Variants in SOX5 observed in about 807,000 individuals in gnomAD.
SOX5 encodes transcription factor SOX-5.
Under a neutral mutation model 92.0 loss-of-function variants are expected in SOX5, and 9 were observed. The ratio of observed to expected loss-of-function variants is 0.10; its 90% CI spans 0.06 to 0.17. SOX5 has a LOEUF of 0.17. Among genes scored for constraint, SOX5 ranks in the 10% least tolerant of loss-of-function variants. The pLI, the probability that SOX5 is intolerant of heterozygous loss-of-function variation, is 1.00. For synonymous variants in SOX5, 344 were observed against 336.3 expected, an observed-to-expected ratio of 1.02 and a Z score of -0.25; for missense variants, 642 against 944.5, an observed-to-expected ratio of 0.68 and a Z score of 4.20.
At chr12:23,616,716 A>T (rs1454824819) in intron 8 of SOX5, among the ~76,000 whole-genome samples, 1 of 152,202 alleles carries the variant, frequency 6.6e-6, no homozygotes, top group Non-Finnish European at 1.5e-5. Context: ...CATAATTGAA[A>T]AAACAAAGTT....
intron 2 of SOX5, among the ~76,000 whole-genome samples, chr12:23,867,038 C>A (rs969123289): frequency 2.8e-5 from 4 of 144,432 alleles, no homozygotes; most frequent in Admixed American, 1.4e-4. Flanking sequence ...CTCAACTCCA[C>A]GCCTCTCCTC....
chr12:24,304,903 C>G (rs61909928), intron 2 of SOX5, among the ~76,000 whole-genome samples: 18,663 of 152,146 alleles, frequency 0.12, 1,492 homozygotes, highest in South Asian at 0.18. Flanking sequence ...CCTTCCATTT[C>G]CAATACCGCT....
intron 2 of SOX5, among the ~76,000 whole-genome samples, chr12:24,319,248 T>C (rs1949986486): frequency 6.6e-6 from 1 of 152,234 alleles, no homozygotes; most frequent in Admixed American, 6.5e-5. Flanking sequence ...CTAAGCATGC[T>C]CATTCACGCA....
intron 1 of SOX5, among the ~76,000 whole-genome samples, chr12:24,538,413 G>A (rs748862947): frequency 5.3e-5 from 8 of 152,038 alleles, no homozygotes; most frequent in Non-Finnish European, 8.8e-5. Flanking sequence ...GTGCCTTCAC[G>A]GTGACTCAAC....
rs565186330 is a variant in SOX5 at position 24,323,082 on chromosome 12, T to C, written c.-174+45481A>G. 5.9e-5 allele frequency among the ~76,000 whole-genome samples: 9 copies of C among 152,098 alleles called. 1 individual carries two copies. The East Asian group carries it at 1.7e-3, about 29-fold the overall frequency. On this transcript the variant is annotated intron_variant, in intron 2 of 4. Transcript: ENST00000446891. ...AGCAGCATCAGTATTATCTGGAAAA[T>C]TGTTAGAAATGCATAATCACAGAAC...
In SOX5 at chr12:23,930,002, T is replaced by C. The variant is rs189932090; in HGVS notation, c.38+19562A>G. Reference sequence around the variant, plus strand: ...CCTACAATTTCTCTACTCATCCTCATTCTGACCACACAACATCTTTTTCCA... The same window carrying C: ...CCTACAATTTCTCTACTCATCCTCACTCTGACCACACAACATCTTTTTCCA... On this transcript the variant is annotated intron_variant, in intron 1 of 14. Coordinates refer to ENST00000451604, the MANE Select transcript of SOX5 (RefSeq NM_006940.6). Among the ~76,000 whole-genome samples, 249 of 151,988 alleles carry C rather than the reference T, an allele frequency of 1.6e-3. 1 individual carries two copies. The highest frequency in any genetic ancestry group is 3.7e-3 in the Admixed American group (57 of 15,226).
At chr12:23,735,096 T>C (rs2093540322) in intron 5 of SOX5, among the ~76,000 whole-genome samples, 1 of 152,114 alleles carries the variant, frequency 6.6e-6, no homozygotes, top group South Asian at 2.1e-4. Flanking sequence ...TATAACAGAG[T>C]GTTTCACAAA....
intron 6 of SOX5, among the ~76,000 whole-genome samples, chr12:23,670,283 CA>C (rs1198480307): frequency 2.6e-5 from 4 of 152,014 alleles, no homozygotes; most frequent in African/African-American, 4.8e-5. Flanking sequence ...AATCATATTG[CA>C]AAAGGGTGAG....
At position 23,994,346 on chromosome 12, in the gene SOX5, G is replaced by A. The variant is rs546814982; in HGVS notation, c.-1-98322C>T. On this transcript the variant is annotated intron_variant, in intron 4 of 4. Transcript: ENST00000446891. ...CTTACTTAAAAAAATTTTAAGTAAC[G>A]TTCAAATTTTAAAGAAGAGTAATAA... 2.6e-4 allele frequency among the ~76,000 whole-genome samples: 39 copies of A among 152,092 alleles called. 1 individual carries two copies. The highest frequency in any genetic ancestry group is 3.4e-3 in the Middle Eastern group (1 of 294).
intron 4 of SOX5, among the ~76,000 whole-genome samples, chr12:23,978,919 T>C (rs1949210333): frequency 6.6e-6 from 1 of 152,168 alleles, no homozygotes; most frequent in Non-Finnish European, 1.5e-5. Context: ...CCCTCCTCCT[T>C]TATGTCTTTA....
chr12:24,218,422 T>C (rs1959566559), intron 3 of SOX5, among the ~76,000 whole-genome samples: 1 of 152,140 alleles, frequency 6.6e-6, no homozygotes, highest in East Asian at 1.9e-4. Context: ...ATGTCCAAAA[T>C]AGGCTAATCT....
intron 4 of SOX5, among the ~76,000 whole-genome samples, chr12:24,102,883 T>C (rs924644098): frequency 1.3e-5 from 2 of 152,152 alleles, no homozygotes; most frequent in East Asian, 1.9e-4. Flanking sequence ...TATTAACCTA[T>C]GACAGAAGAC....
intron 1 of SOX5, among the ~76,000 whole-genome samples, chr12:24,470,613 T>G (rs1944709975): frequency 6.6e-6 from 1 of 152,152 alleles, no homozygotes; most frequent in South Asian, 2.1e-4. Flanking sequence ...ATTAGACAAC[T>G]AGTGTGACTG....
At chr12:24,074,233 A>C (rs1942187151) in intron 4 of SOX5, among the ~76,000 whole-genome samples, 1 of 152,126 alleles carries the variant, frequency 6.6e-6, no homozygotes, top group South Asian at 2.1e-4. Flanking sequence ...CTCTTCCCCC[A>C]ACACTTCAGT....
chr12:24,486,284 G>T (rs1793201337), intron 1 of SOX5, among the ~76,000 whole-genome samples: 1 of 152,150 alleles, frequency 6.6e-6, no homozygotes. Context: ...CTCAAAACCT[G>T]AAGACTTACA....
chr12:24,328,084 A>G (rs1209970252), intron 2 of SOX5, among the ~76,000 whole-genome samples: 1 of 152,206 alleles, frequency 6.6e-6, no homozygotes, highest in Non-Finnish European at 1.5e-5. Flanking sequence ...ATCTTTCTAC[A>G]AATGTGATTT....
At chr12:24,334,976 A>C (rs1187214301) in intron 2 of SOX5, among the ~76,000 whole-genome samples, 3 of 152,126 alleles carry the variant, frequency 2.0e-5, no homozygotes. Flanking sequence ...TCTCTGATAT[A>C]ATGTAATTTT....
At chr12:24,013,160 G>C (rs1953157193) in intron 4 of SOX5, among the ~76,000 whole-genome samples, 2 of 152,090 alleles carry the variant, frequency 1.3e-5, no homozygotes, top group African/African-American at 2.4e-5. Flanking sequence ...GTCAAGCTTA[G>C]AGCAGGAATT....
chr12:23,835,235 A>G (rs1448861131), intron 3 of SOX5, among the ~76,000 whole-genome samples: 1 of 151,868 alleles, frequency 6.6e-6, no homozygotes. Context: ...AGATGGTAAC[A>G]CTATTTCTAA....
Sources: allele counts gnomAD v4.1 joint callset (sites outside exome capture counted in the v4.1 genomes callset), GRCh38; gene constraint gnomAD v4.1.1; transcripts MANE v1.5; gene names NCBI Gene and HGNC (gene_info 2026-07-23, HGNC 2026-07-21).